GLIS3: variants seen among roughly 807,000 people sequenced by gnomAD.
GLIS3 encodes the protein zinc finger protein GLIS3.
GLIS3 carries 53 observed loss-of-function variants against 78.6 expected under a neutral mutation model. The ratio of observed to expected loss-of-function variants is 0.67; its 90% CI spans 0.54 to 0.85. The LOEUF (loss-of-function observed/expected upper bound fraction) is 0.85. GLIS3 is among the 40% of genes least tolerant of loss of function. The pLI is 0.00. For synonymous variants in GLIS3, 684 were observed against 509.9 expected, an observed-to-expected ratio of 1.34 and a Z score of -4.60; for missense variants, 1,703 against 1,231.1, an observed-to-expected ratio of 1.38 and a Z score of -5.74.
chr9:3,888,048 C>T (rs1195380929), intron 7 of GLIS3, among the ~76,000 whole-genome samples: 1 of 152,148 alleles, frequency 6.6e-6, no homozygotes, highest in Non-Finnish European at 1.5e-5. Context: ...GCAAACTATT[C>T]AGACTACCCT....
intron 7 of GLIS3, among the ~76,000 whole-genome samples, chr9:3,893,937 C>T (rs1396728984): frequency 6.6e-6 from 1 of 152,178 alleles, no homozygotes; most frequent in African/African-American, 2.4e-5. Context: ...GTGCCTACAA[C>T]AGAGAAGTAT....
chr9:4,317,190 G>A (rs1323497824), intron 2 of GLIS3, among the ~76,000 whole-genome samples: 17 of 152,214 alleles, frequency 1.1e-4, no homozygotes, highest in Non-Finnish European at 2.9e-5. Flanking sequence ...CATACTTTAA[G>A]TACCGGTCTT....
intron 4 of GLIS3, among the ~76,000 whole-genome samples, chr9:4,111,187 T>C (rs939712132): frequency 6.6e-6 from 1 of 152,194 alleles, no homozygotes; most frequent in African/African-American, 2.4e-5. Flanking sequence ...TTTAAAGACA[T>C]TATTTCAAGG....
At chr9:4,390,129 G>A in the GLIS3 span, among the ~76,000 whole-genome samples, 73 of 152,366 alleles carry the variant, frequency 4.8e-4, no homozygotes, top group Admixed American at 2.2e-3. Context: ...ATGTATAGAT[G>A]CCTGAAAGAT....
intron 4 of GLIS3, 84 bp from the exon 5 acceptor site, chr9:3,937,273 A>T (rs1342575729): frequency 7.1e-7 from 1 of 1,406,870 alleles, no homozygotes. Flanking sequence ...AAATGTTCTT[A>T]GTTGGTACTT....
At chr9:4,276,544 AAGGGGAGGGG>A (rs1218063568) in intron 2 of GLIS3, among the ~76,000 whole-genome samples, 2 of 29,498 alleles carry the variant, frequency 6.8e-5, no homozygotes, top group South Asian at 1.9e-3. Context: ...AAGGGGACGG[AAGGGGAGGGG>A]AGGGGAGGGG....
intron 9 of GLIS3, among the ~76,000 whole-genome samples, chr9:3,839,231 A>C (rs762576226): frequency 8.5e-5 from 13 of 152,336 alleles, no homozygotes; most frequent in Non-Finnish European, 1.3e-4. Context: ...ATATCATGTC[A>C]ATAAAAGTGC....
At chr9:4,242,135 A>G (rs912399856) in intron 2 of GLIS3, among the ~76,000 whole-genome samples, 2 of 152,142 alleles carry the variant, frequency 1.3e-5, no homozygotes, top group Non-Finnish European at 2.9e-5. Context: ...GCAATAAGGG[A>G]AACCTGGCTT....
chr9:4,295,672 GCT>G (rs1208061413), intron 1 of GLIS3, among the ~76,000 whole-genome samples: 2 of 152,154 alleles, frequency 1.3e-5, no homozygotes, highest in Non-Finnish European at 2.9e-5. Flanking sequence ...TGTTGATAAT[GCT>G]CTGTTTCTTG....
chr9:4,481,055 C>T, the GLIS3 span, among the ~76,000 whole-genome samples: 39 of 152,274 alleles, frequency 2.6e-4, no homozygotes, highest in Non-Finnish European at 4.0e-4. Context: ...AGGGTTTTTC[C>T]ATGTTGCTCA....
the GLIS3 span, among the ~76,000 whole-genome samples, chr9:4,466,022 C>T: frequency 6.6e-6 from 1 of 152,108 alleles, no homozygotes; most frequent in Non-Finnish European, 1.5e-5. Flanking sequence ...AGAGCTGGTT[C>T]TTTGATAGAG....
intron 2 of GLIS3, among the ~76,000 whole-genome samples, chr9:4,324,092 A>T (rs186023109): frequency 2.8e-4 from 43 of 152,290 alleles, no homozygotes; most frequent in African/African-American, 8.7e-4. Context: ...TCAATATGCC[A>T]TCTCAACCCT....
chr9:3,887,255 TG>T (rs1822142639), intron 7 of GLIS3, among the ~76,000 whole-genome samples: 1 of 152,172 alleles, frequency 6.6e-6, no homozygotes, highest in African/African-American at 2.4e-5. Context: ...CGTACATCCT[TG>T]ACATGCTACC....
the GLIS3 span, among the ~76,000 whole-genome samples, chr9:4,375,059 T>C: frequency 6.6e-6 from 1 of 152,256 alleles, no homozygotes; most frequent in Non-Finnish European, 1.5e-5. Flanking sequence ...AATGATGCTT[T>C]GATTGCTCTC....
chr9:4,263,378 T>C (rs17717029), intron 2 of GLIS3, among the ~76,000 whole-genome samples: 32,461 of 152,148 alleles, frequency 0.21, 3,638 homozygotes, highest in Admixed American at 0.25. Context: ...ACATGTGAGA[T>C]AAATGTTGAA....
At chr9:4,262,907 G>A (rs1338207891) in intron 2 of GLIS3, among the ~76,000 whole-genome samples, 1 of 132,900 alleles carries the variant, frequency 7.5e-6, no homozygotes, top group African/African-American at 2.9e-5. Flanking sequence ...GTAGCTGACA[G>A]ATGTTGATTG....
chr9:4,245,682 G>C (rs987750920), intron 2 of GLIS3, among the ~76,000 whole-genome samples: 1 of 152,178 alleles, frequency 6.6e-6, no homozygotes, highest in Non-Finnish European at 1.5e-5. Flanking sequence ...TTCAATGTTT[G>C]AGGTGATGGA....
At chr9:4,253,744 C>G (rs1241756093) in intron 2 of GLIS3, among the ~76,000 whole-genome samples, 1 of 152,170 alleles carries the variant, frequency 6.6e-6, no homozygotes, top group Non-Finnish European at 1.5e-5. Context: ...GTGTAGGCAT[C>G]CAAGGGAACA....
chr9:4,370,215 C>CA, the GLIS3 span, among the ~76,000 whole-genome samples: 1 of 138,808 alleles, frequency 7.2e-6, no homozygotes, highest in African/African-American at 2.6e-5. Flanking sequence ...AACCAAAAAA[C>CA]AAAAAACAAT....
Sources: allele counts gnomAD v4.1 joint callset (sites outside exome capture counted in the v4.1 genomes callset), GRCh38; gene constraint gnomAD v4.1.1; transcripts MANE v1.5; gene names NCBI Gene and HGNC (gene_info 2026-07-23, HGNC 2026-07-21).